Variants in COL17A1 observed in about 807,000 individuals in gnomAD.
The protein encoded by COL17A1 is collagen alpha-1(XVII) chain.
A neutral mutation model predicts 218.4 loss-of-function variants in COL17A1; 181 were observed. The ratio of observed to expected loss-of-function variants is 0.83; its 90% CI spans 0.73 to 0.94. The LOEUF is 0.94. Ranked by LOEUF, COL17A1 falls within the 40% of genes least tolerant of loss-of-function variation. The pLI is 0.00. For missense variants in COL17A1, 1,924 were observed against 1,945.9 expected, an observed-to-expected ratio of 0.99 and a Z score of 0.21; for synonymous variants, 721 against 731.0, an observed-to-expected ratio of 0.99 and a Z score of 0.22.
chr10:104,047,696 A>T, intron 31 of COL17A1, 43 bp downstream of exon 31: 1 of 1,512,694 alleles, frequency 6.6e-7, no homozygotes, highest in Non-Finnish European at 9.2e-7. Flanking sequence ...CAAAGCACAC[A>T]CACACTAAGC....
At chr10:104,055,143 G>C in intron 19 of COL17A1, 136 bp from the exon 20 acceptor site, 1 of 1,503,002 alleles carries the variant, frequency 6.7e-7, no homozygotes, top group Non-Finnish European at 9.1e-7. Context: ...GTCCCTCCCA[G>C]TCCCAGAGTC....
intron 54 of COL17A1, 44 bp from the exon 55 acceptor site, chr10:104,032,798 G>A: frequency 6.2e-7 from 1 of 1,611,250 alleles, no homozygotes; most frequent in Non-Finnish European, 8.5e-7. Flanking sequence ...CATGAGTCTG[G>A]GGACTGAGGG....
At chr10:104,072,959 C>T (rs2086680540) in intron 7 of COL17A1, among the ~76,000 whole-genome samples, 1 of 152,166 alleles carries the variant, frequency 6.6e-6, no homozygotes, top group African/African-American at 2.4e-5. Context: ...ACAAATGATG[C>T]CCCACATTGT....
intron 15 of COL17A1, 27 bp downstream of exon 15, chr10:104,059,611 G>A: frequency 6.2e-7 from 1 of 1,602,170 alleles, no homozygotes; most frequent in East Asian, 2.2e-5. Flanking sequence ...TGAAGTCAAG[G>A]TGGACAACAA....
chr10:104,067,575 GGGGA>G (rs1374829868), intron 9 of COL17A1, among the ~76,000 whole-genome samples: 1 of 152,186 alleles, frequency 6.6e-6, no homozygotes, highest in African/African-American at 2.4e-5. Context: ...GACGGACAGA[GGGGA>G]GCCACGGCAT....
At chr10:104,038,280 A>ACACT (rs2086322526) in intron 45 of COL17A1, 126 bp downstream of exon 45, 8 of 888,132 alleles carry the variant, frequency 9.0e-6, no homozygotes, top group Non-Finnish European at 1.1e-5. Flanking sequence ...ACACACACAC[A>ACACT]CTCCCACTGC....
At chr10:104,046,830 G>A in intron 31 of COL17A1, 57 bp from the exon 32 acceptor site, 1 of 1,550,054 alleles carries the variant, frequency 6.5e-7, no homozygotes, top group South Asian at 1.1e-5. Context: ...ATCCCTGGTA[G>A]CCACACCCAC....
At chr10:104,036,064 GTA>G (rs1243294205) in intron 48 of COL17A1, among the ~76,000 whole-genome samples, 33 of 140,748 alleles carry the variant, frequency 2.3e-4, no homozygotes, top group African/African-American at 8.0e-4. Flanking sequence ...GTGTATGGGA[GTA>G]TGTGTATGGG....
At chr10:104,061,382 T>G (rs756088890) in intron 13 of COL17A1, 23 bp downstream of exon 13, 4 of 1,609,854 alleles carry the variant, frequency 2.5e-6, no homozygotes, top group Non-Finnish European at 3.4e-6. Context: ...GCCTGAACCC[T>G]GGCAGCTGGG....
intron 23 of COL17A1, 138 bp downstream of exon 23, chr10:104,052,893 G>C: frequency 9.3e-7 from 1 of 1,076,774 alleles, no homozygotes; most frequent in Non-Finnish European, 1.4e-6. Flanking sequence ...GCCTAGCACA[G>C]ACCCTGACTC....
At position 104,032,124 on chromosome 10, in the gene COL17A1, C is replaced by G. The variant is rs1231222833; in HGVS notation, c.*111G>C. On this transcript the variant is annotated 3_prime_UTR_variant, in exon 56 of 56. Coordinates refer to ENST00000648076, the MANE Select transcript of COL17A1 (RefSeq NM_000494.4). ...AATGTTGCTAGCTAGGTTGGCTGTG[C>G]TGTCTCAGTAGGACATTGACAGACT... 2.5e-6 allele frequency: 2 copies of G among 813,706 alleles called. No homozygotes were observed. Among genetic ancestry groups the G allele is most frequent in the Non-Finnish European group, 4.3e-6 (2 of 467,782 alleles). The allele number at this position is 813,706 out of a possible 1,614,324, so 50.4% of individuals were successfully genotyped here.
intron 14 of COL17A1, 104 bp downstream of exon 14, chr10:104,060,015 T>G: frequency 6.4e-7 from 1 of 1,559,066 alleles, no homozygotes; most frequent in Non-Finnish European, 8.7e-7. Context: ...GGGATGGCTA[T>G]GGTTTCATGA....
At chr10:104,055,288 A>C in intron 19 of COL17A1, 84 bp downstream of exon 19, 4 of 1,604,600 alleles carry the variant, frequency 2.5e-6, no homozygotes, top group Non-Finnish European at 3.4e-6. Context: ...TTTAGAACAA[A>C]GAAAAAGGCT....
chr10:104,038,140 C>T, intron 45 of COL17A1, among the ~76,000 whole-genome samples: 1 of 152,028 alleles, frequency 6.6e-6, no homozygotes, highest in East Asian at 1.9e-4. Context: ...GTGTCGGGGG[C>T]AGCTATGAGA....
At chr10:104,072,142 C>G in intron 7 of COL17A1, 63 bp from the exon 8 acceptor site, 1 of 1,609,776 alleles carries the variant, frequency 6.2e-7, no homozygotes, top group South Asian at 1.1e-5. Flanking sequence ...ATCCCTGACA[C>G]TGAACTCCTA....
chr10:104,041,184 G>C (rs2086355975), intron 38 of COL17A1, 66 bp from the exon 39 acceptor site: 5 of 1,608,340 alleles, frequency 3.1e-6, no homozygotes, highest in Non-Finnish European at 4.3e-6. Flanking sequence ...CTGCTCAGGA[G>C]GAGGCAGCAG....
At position 104,048,064 on chromosome 10, in the gene COL17A1, C is replaced by A; in HGVS notation, c.2263+5G>T. 6.2e-7 allele frequency: 1 copy of A among 1,614,158 alleles called. No individual in the cohort carries two copies. Among genetic ancestry groups the A allele is most frequent in the Non-Finnish European group, 8.5e-7 (1 of 1,180,034 alleles). On this transcript the variant is annotated splice_donor_5th_base_variant and intron_variant, in intron 30 of 55. Coordinates refer to ENST00000648076, the MANE Select transcript of COL17A1 (RefSeq NM_000494.4). ...GAGGCTGGGGGCAGCAGATGAGTGACCAACCTCTTGGGCCTTGGTGTCCGT... is the reference window on the plus strand; with the variant it reads ...GAGGCTGGGGGCAGCAGATGAGTGAACAACCTCTTGGGCCTTGGTGTCCGT...
At position 104,032,902 on chromosome 10, in the gene COL17A1, T is replaced by G; in HGVS notation, c.4357+4A>C. 1.2e-6 allele frequency: 2 copies of G among 1,614,176 alleles called. No homozygotes were observed. Among genetic ancestry groups the G allele is most frequent in the South Asian group, 1.1e-5 (1 of 91,068 alleles). Reference sequence around the variant, plus strand: ...CCAGGGACTGGCTCTCTGCCACCACTTACCTTTGGGTCCTGGAGTGCCCAT... The same window carrying G: ...CCAGGGACTGGCTCTCTGCCACCACGTACCTTTGGGTCCTGGAGTGCCCAT... On this transcript the variant is annotated splice_donor_region_variant and intron_variant, in intron 54 of 55. Transcript: ENST00000648076.
chr10:104,046,893 A>T, intron 31 of COL17A1, 120 bp from the exon 32 acceptor site: 2 of 900,864 alleles, frequency 2.2e-6, no homozygotes, highest in South Asian at 2.8e-5. Flanking sequence ...GTACAGAAGG[A>T]CACGTCTCAT....
Sources: allele counts gnomAD v4.1 joint callset (sites outside exome capture counted in the v4.1 genomes callset), GRCh38; gene constraint gnomAD v4.1.1; transcripts MANE v1.5; gene names NCBI Gene and HGNC (gene_info 2026-07-23, HGNC 2026-07-21).